Variants in SGCZ observed in about 807,000 individuals in gnomAD.
SGCZ encodes the protein zeta-sarcoglycan.
A neutral mutation model predicts 41.3 loss-of-function variants in SGCZ; 40 were observed. The ratio of observed to expected loss-of-function variants is 0.97; its 90% CI spans 0.75 to 1.26. SGCZ has a LOEUF of 1.26. Among genes scored for constraint, SGCZ ranks in the 50% most tolerant of loss-of-function variants. The pLI is 0.00. For missense variants in SGCZ, 552 were observed against 369.8 expected (o/e 1.49, Z -4.04); for synonymous variants, 206 against 137.5 (o/e 1.50, Z -3.49).
intron 1 of SGCZ, among the ~76,000 whole-genome samples, chr8:14,963,419 T>C (rs1375501407): frequency 2.0e-5 from 3 of 151,774 alleles, no homozygotes; most frequent in Non-Finnish European, 4.4e-5. Context: ...GCTCACTGCA[T>C]CCTGCGCCTC....
chr8:14,687,880 T>C (rs1001664165), intron 1 of SGCZ, among the ~76,000 whole-genome samples: 16 of 152,260 alleles, frequency 1.1e-4, no homozygotes, highest in African/African-American at 3.4e-4. Flanking sequence ...TTTTAATGAT[T>C]GTCATTCTAA....
intron 3 of SGCZ, among the ~76,000 whole-genome samples, chr8:14,293,889 T>G (rs1012101882): frequency 6.6e-6 from 1 of 151,872 alleles, no homozygotes; most frequent in Admixed American, 6.6e-5. Flanking sequence ...AGGAGCCAAA[T>G]CTTAAAATAT....
intron 5 of SGCZ, among the ~76,000 whole-genome samples, chr8:14,157,652 G>C (rs1029246900): frequency 1.3e-5 from 2 of 151,890 alleles, no homozygotes; most frequent in African/African-American, 4.8e-5. Flanking sequence ...TACAGGAAAT[G>C]TGAATTGTAT....
intron 5 of SGCZ, among the ~76,000 whole-genome samples, chr8:14,124,151 T>A (rs958130166): frequency 1.3e-5 from 2 of 152,222 alleles, no homozygotes; most frequent in Non-Finnish European, 2.9e-5. Context: ...AAATTTGTGT[T>A]TTGTAAGCTG....
At chr8:15,236,987 C>T (rs115157286) in intron 1 of SGCZ, among the ~76,000 whole-genome samples, 3,694 of 152,312 alleles carry the variant, frequency 0.024, 147 homozygotes, top group African/African-American at 0.084. Context: ...GCGGGGGTAC[C>T]TCTCCAGCCC....
intron 2 of SGCZ, among the ~76,000 whole-genome samples, chr8:14,460,287 C>T (rs1234693062): frequency 6.6e-6 from 1 of 152,006 alleles, no homozygotes; most frequent in Non-Finnish European, 1.5e-5. Context: ...GAAAACTGTC[C>T]AAGCTAAAAG....
chr8:14,380,094 T>C (rs1366825537), intron 2 of SGCZ, among the ~76,000 whole-genome samples: 2 of 152,170 alleles, frequency 1.3e-5, no homozygotes, highest in East Asian at 1.9e-4. Context: ...TCAGGGCATT[T>C]ATATTTTATC....
At chr8:14,935,752 A>T (rs535435613) in intron 1 of SGCZ, among the ~76,000 whole-genome samples, 1 of 152,004 alleles carries the variant, frequency 6.6e-6, no homozygotes, top group African/African-American at 2.4e-5. Flanking sequence ...AATTCCAATA[A>T]CTATAAATTA....
intron 7 of SGCZ, among the ~76,000 whole-genome samples, chr8:14,097,752 C>A (rs1801889586): frequency 6.6e-6 from 1 of 152,068 alleles, no homozygotes; most frequent in South Asian, 2.1e-4. Flanking sequence ...TAAGGACTTG[C>A]TTTATGAATC....
chr8:14,477,518 G>C (rs1056805395), intron 2 of SGCZ, among the ~76,000 whole-genome samples: 10 of 152,012 alleles, frequency 6.6e-5, no homozygotes, highest in Admixed American at 2.6e-4. Context: ...ATTTTTATTA[G>C]ATACCTCCTC....
chr8:14,682,112 T>C (rs1015866041), intron 1 of SGCZ, among the ~76,000 whole-genome samples: 1 of 152,012 alleles, frequency 6.6e-6, no homozygotes, highest in African/African-American at 2.4e-5. Context: ...ATCTATTATG[T>C]AGTGATGCTT....
chr8:15,144,436 C>T (rs1202690754), intron 1 of SGCZ, among the ~76,000 whole-genome samples: 1 of 149,640 alleles, frequency 6.7e-6, no homozygotes, highest in Non-Finnish European at 1.5e-5. Context: ...AGAAGTAGTT[C>T]TATACAGTTT....
chr8:14,156,807 C>T (rs1327750999), intron 5 of SGCZ, among the ~76,000 whole-genome samples: 1 of 152,174 alleles, frequency 6.6e-6, no homozygotes, highest in Non-Finnish European at 1.5e-5. Flanking sequence ...TCCAGCTCCA[C>T]ATCTTGTCCC....
At position 14,730,842 on chromosome 8, in the gene SGCZ, A is replaced by G. The variant is rs535305632; in HGVS notation, c.40-175916T>C. Among the ~76,000 whole-genome samples, 100 of 151,984 alleles carry G rather than the reference A, an allele frequency of 6.6e-4. 1 individual carries two copies. The highest frequency in any genetic ancestry group is 1.1e-3 in the Non-Finnish European group (77 of 68,006). ...ACAAAATGAGAAAGAATGCTGTAGC[A>G]TCTCACACCAGTTAGAATGGCGATC... On this transcript the variant is annotated intron_variant, in intron 1 of 7. Coordinates refer to ENST00000382080, the MANE Select transcript of SGCZ (RefSeq NM_139167.4).
At chr8:14,587,150 T>C (rs912933569) in intron 1 of SGCZ, among the ~76,000 whole-genome samples, 1 of 152,098 alleles carries the variant, frequency 6.6e-6, no homozygotes, top group African/African-American at 2.4e-5. Flanking sequence ...ACATATTTTA[T>C]GTATGTGTCA....
At chr8:15,153,954 C>T (rs2117023988) in intron 1 of SGCZ, among the ~76,000 whole-genome samples, 1 of 152,234 alleles carries the variant, frequency 6.6e-6, no homozygotes, top group African/African-American at 2.4e-5. Flanking sequence ...CTCAGATCTT[C>T]AGGCATTAGA....
chr8:14,130,626 G>C (rs1013773792), intron 5 of SGCZ, among the ~76,000 whole-genome samples: 1 of 152,194 alleles, frequency 6.6e-6, no homozygotes, highest in African/African-American at 2.4e-5. Flanking sequence ...GGGTAAGAGA[G>C]TCCTTGGTGG....
chr8:14,751,639 G>T (rs957802063), intron 1 of SGCZ, among the ~76,000 whole-genome samples: 2 of 152,066 alleles, frequency 1.3e-5, no homozygotes, highest in African/African-American at 4.8e-5. Flanking sequence ...TTTAATACGG[G>T]CCTAGCATTT....
At chr8:15,175,189 AC>A (rs1355008195) in intron 1 of SGCZ, among the ~76,000 whole-genome samples, 1 of 152,182 alleles carries the variant, frequency 6.6e-6, no homozygotes, top group Non-Finnish European at 1.5e-5. Flanking sequence ...GGGCATAAAC[AC>A]AAAGGAATGT....
Sources: allele counts gnomAD v4.1 joint callset (sites outside exome capture counted in the v4.1 genomes callset), GRCh38; gene constraint gnomAD v4.1.1; transcripts MANE v1.5; gene names NCBI Gene and HGNC (gene_info 2026-07-23, HGNC 2026-07-21).